DLG5: variants seen among roughly 807,000 people sequenced by gnomAD.
DLG5 encodes the protein discs large MAGUK scaffold protein 5, also known as disks large homolog 5.
A neutral mutation model predicts 189.8 loss-of-function variants in DLG5; 48 were observed. The ratio of observed to expected loss-of-function variants is 0.25; its 90% confidence interval spans 0.20 to 0.32. The LOEUF is 0.32. Ranked by LOEUF, DLG5 falls within the 10% of genes least tolerant of loss-of-function variation. DLG5 has a pLI of 1.00. For missense variants in DLG5, 2,160 were observed against 2,544.7 expected (o/e 0.85, Z 3.25); for synonymous variants, 1,016 against 1,054.1 (o/e 0.96, Z 0.70).
chr10:77,847,824 C>T (rs571922415), intron 5 of DLG5, among the ~76,000 whole-genome samples: 28 of 152,262 alleles, frequency 1.8e-4, no homozygotes, highest in African/African-American at 5.3e-4. Context: ...CTCCTGCCTC[C>T]GCCTCCCAAG....
intron 1 of DLG5, among the ~76,000 whole-genome samples, chr10:77,899,413 G>A (rs776729296): frequency 1.3e-5 from 2 of 152,232 alleles, no homozygotes; most frequent in East Asian, 1.9e-4. Context: ...GCAAAATCCC[G>A]ACTCACTGGC....
At chr10:77,799,849 G>T (rs747180094) in intron 27 of DLG5, among the ~76,000 whole-genome samples, 2 of 152,118 alleles carry the variant, frequency 1.3e-5, no homozygotes, top group African/African-American at 4.8e-5. Context: ...GGCCTCAAGC[G>T]ATCCTCTTGC....
intron 5 of DLG5, among the ~76,000 whole-genome samples, chr10:77,851,413 C>G (rs963087761): frequency 6.6e-6 from 1 of 152,170 alleles, no homozygotes; most frequent in Non-Finnish European, 1.5e-5. Flanking sequence ...GAGAAATGCT[C>G]CAAGAGCACC....
intron 1 of DLG5, among the ~76,000 whole-genome samples, chr10:77,910,370 T>C (rs1446567968): frequency 1.3e-5 from 2 of 152,202 alleles, no homozygotes; most frequent in Non-Finnish European, 2.9e-5. Context: ...TAAATATCAA[T>C]TGCAGAGGCT....
intron 1 of DLG5, among the ~76,000 whole-genome samples, chr10:77,891,573 GACACACACACACACACAC>G (rs55688664): frequency 2.1e-5 from 3 of 140,578 alleles, no homozygotes; most frequent in African/African-American, 5.3e-5. Context: ...TCCCCCAACA[GACACACACACACACACAC>G]ACACACACAC....
intron 13 of DLG5, among the ~76,000 whole-genome samples, chr10:77,827,896 C>T (rs76273551): frequency 0.035 from 5,270 of 152,052 alleles, 306 homozygotes; most frequent in African/African-American, 0.12. Flanking sequence ...TTTGTAGGGG[C>T]ACATATGGTT....
the DLG5 span, among the ~76,000 whole-genome samples, chr10:77,934,462 C>A: frequency 6.6e-6 from 1 of 151,452 alleles, no homozygotes; most frequent in Non-Finnish European, 1.5e-5. Flanking sequence ...ACAATCTAAT[C>A]TGATAATGTG....
chr10:77,807,106 G>A (rs1050639004), intron 25 of DLG5, among the ~76,000 whole-genome samples, 178 bp from the exon 26 acceptor site: 1 of 152,160 alleles, frequency 6.6e-6, no homozygotes, highest in African/African-American at 2.4e-5. Context: ...TTTACATAAA[G>A]GGGCAAAGAC....
At chr10:77,812,137 G>A (rs1409090593) in intron 21 of DLG5, 78 bp downstream of exon 21, 1 of 1,596,658 alleles carries the variant, frequency 6.3e-7, no homozygotes, top group South Asian at 1.1e-5. Context: ...TGGGAGCACT[G>A]CTGTTCCCTA....
chr10:77,909,293 G>C (rs774919184), intron 1 of DLG5, among the ~76,000 whole-genome samples: 3 of 152,150 alleles, frequency 2.0e-5, no homozygotes, highest in Admixed American at 6.5e-5. Context: ...ACTCCTAAGT[G>C]AGAGTTGAAC....
chr10:77,906,028 T>G (rs1846061568), intron 1 of DLG5, among the ~76,000 whole-genome samples: 1 of 152,220 alleles, frequency 6.6e-6, no homozygotes. Context: ...TACAGACTCA[T>G]ACCCACCCAT....
At chr10:77,931,095 C>T (rs1846782486), upstream of DLG5, among the ~76,000 whole-genome samples, 1 of 152,148 alleles carries the variant, frequency 6.6e-6, no homozygotes, top group African/African-American at 2.4e-5. Flanking sequence ...GCTGGGATTA[C>T]AGGTGTGAGC....
intron 2 of DLG5, among the ~76,000 whole-genome samples, chr10:77,865,606 C>T (rs1296946795): frequency 6.6e-6 from 1 of 152,178 alleles, no homozygotes; most frequent in Non-Finnish European, 1.5e-5. Context: ...AAATAAAAGG[C>T]TACTGAGAAA....
chr10:77,819,361 G>T lies in DLG5; in HGVS notation c.3631C>A (p.Pro1211Thr). ...SHRVGPCSSP[P>T]AARDAGPQGL... is the part of the protein sequence containing the mutation. Reference sequence around the variant, plus strand: ...TGGGGGCCAGCATCTCGGGCCGCAGGTGGAGAGCTGCAGGGGCCGACCCTG... The same window carrying T: ...TGGGGGCCAGCATCTCGGGCCGCAGTTGGAGAGCTGCAGGGGCCGACCCTG... Residue 1211 changes from proline (P) to threonine (T), a missense_variant, in exon 17 of 32, where the codon CCT (proline) becomes ACT (threonine). Physicochemically the swap from Pro to Thr is conservative, Grantham distance 38. This residue lies in a region of DLG5 where 754 missense variants were observed against 746.5 expected (regional missense o/e 1.01). Transcript: ENST00000372391. 1 of 1,614,122 alleles carries T rather than the reference G, an allele frequency of 6.2e-7. No individual in the cohort carries two copies. The highest frequency in any genetic ancestry group is 1.1e-5 in the South Asian group (1 of 91,084).
At chr10:77,843,128 A>G (rs559154479) in intron 6 of DLG5, among the ~76,000 whole-genome samples, 97 of 152,350 alleles carry the variant, frequency 6.4e-4, no homozygotes, top group African/African-American at 2.2e-3. Flanking sequence ...CAGGATGCTC[A>G]GAACACACCA....
rs183779959 is a variant in DLG5, at chr10:77,862,461, G to A, written c.374-5569C>T. Among the ~76,000 whole-genome samples the A allele has an allele frequency of 1.9e-3, 285 of 152,294 alleles. 1 individual carries two copies. The highest frequency in any genetic ancestry group is 6.5e-3 in the African/African-American group (272 of 41,540). On this transcript the variant is annotated intron_variant, in intron 2 of 31. Coordinates refer to ENST00000372391, the MANE Select transcript of DLG5 (RefSeq NM_004747.4). ...AGCAATGCCACCAAATGCTGGCAAG[G>A]ATACAGCTGGATTCTCAAAACTGGA...
chr10:77,812,043 G>A lies in DLG5; in HGVS notation c.4203C>T (p.Asn1401=). The A allele has an allele frequency of 6.2e-7, 1 of 1,610,268 alleles. No individual in the cohort carries two copies. Among genetic ancestry groups the A allele is most frequent in the East Asian group, 2.2e-5 (1 of 44,858 alleles). Residue 1401 remains asparagine, a synonymous_variant, in exon 22 of 32, where the codon AAC becomes AAT. Coordinates refer to ENST00000372391, the MANE Select transcript of DLG5 (RefSeq NM_004747.4). ...GDQLLEFNGI[N]LRSATEQQAR... is the part of the protein sequence containing the mutation. ...CCTGCTGCTCCGTGGCGCTCCGCAGGTTTATGCCGTTGAACTGGGGAAACA... is the reference window on the plus strand; with the variant it reads ...CCTGCTGCTCCGTGGCGCTCCGCAGATTTATGCCGTTGAACTGGGGAAACA...
rs1843099932 is a variant in DLG5, at chr10:77,835,771, C to T, written c.1589G>A (p.Arg530Gln). 3 of 1,613,314 alleles carry T rather than the reference C, an allele frequency of 1.9e-6. No individual in the cohort carries two copies. The highest frequency in any genetic ancestry group is 1.3e-5 in the African/African-American group (1 of 74,922). Residue 530 changes from arginine to glutamine, a missense_variant, in exon 8 of 32, where the codon CGA becomes CAA. This residue lies in a region of DLG5 where 664 missense variants were observed against 838.5 expected (regional missense o/e 0.79). Transcript: ENST00000372391. Reference protein sequence around the residue: ...KCRRDWAFQERDKIVAERDSI... With the variant: ...KCRRDWAFQEQDKIVAERDSI... Reference sequence around the variant, plus strand: ...GTCACGCTCTGCTACAATCTTGTCTCGCTCCTGGAAGGCCCAGTCCCGCCG... The same window carrying T: ...GTCACGCTCTGCTACAATCTTGTCTTGCTCCTGGAAGGCCCAGTCCCGCCG...
intron 1 of DLG5, among the ~76,000 whole-genome samples, chr10:77,921,917 G>A (rs1039816383): frequency 2.0e-5 from 3 of 152,202 alleles, no homozygotes; most frequent in Admixed American, 6.5e-5. Context: ...CCTCCCAATA[G>A]AGGCCTGGTG....
Sources: gnomAD v4.1 joint callset for allele counts (sites outside exome capture counted in the v4.1 genomes callset) on GRCh38, gnomAD v4.1.1 for gene constraint, gnomAD v4.1.1 regional missense constraint, MANE v1.5 for transcripts, NCBI Gene and HGNC (gene_info 2026-07-23, HGNC 2026-07-21) for gene names.